Variants in RPS6KA5 observed in about 807,000 individuals in gnomAD.
The protein encoded by RPS6KA5 is ribosomal protein S6 kinase A5, also known as ribosomal protein S6 kinase alpha-5.
RPS6KA5 carries 27 observed loss-of-function variants against 85.5 expected under a neutral mutation model. The ratio of observed to expected loss-of-function variants is 0.32; its 90% CI spans 0.23 to 0.44. RPS6KA5 has a LOEUF of 0.44. RPS6KA5 is among the 20% of genes least tolerant of loss of function. The pLI is 1.00. For missense variants in RPS6KA5, 811 were observed against 980.9 expected (o/e 0.83, Z 2.31); for synonymous variants, 334 against 348.2 (o/e 0.96, Z 0.46).
At chr14:90,947,625 T>C in intron 3 of RPS6KA5, 75 bp from the exon 4 acceptor site, 2 of 849,316 alleles carry the variant, frequency 2.4e-6, no homozygotes, top group South Asian at 1.5e-5. Flanking sequence ...TTAATCACTT[T>C]GGATTCACCA....
At chr14:90,973,973 G>A (rs979518973) in intron 3 of RPS6KA5, among the ~76,000 whole-genome samples, 2 of 147,374 alleles carry the variant, frequency 1.4e-5, no homozygotes, top group African/African-American at 5.1e-5. Flanking sequence ...AGGAGGTGGA[G>A]GCTGCAGTGG....
chr14:91,051,093 G>C (rs2043060115), intron 1 of RPS6KA5, among the ~76,000 whole-genome samples: 2 of 151,874 alleles, frequency 1.3e-5, no homozygotes, highest in Non-Finnish European at 2.9e-5. Flanking sequence ...GCTAAGCGTG[G>C]CGGTGTGTGG....
intron 5 of RPS6KA5, among the ~76,000 whole-genome samples, chr14:90,927,693 TTTA>T (rs2036747773): frequency 6.6e-6 from 1 of 152,064 alleles, no homozygotes; most frequent in African/African-American, 2.4e-5. Flanking sequence ...TGTGAAAAGC[TTTA>T]AAAATATATA....
intron 4 of RPS6KA5, among the ~76,000 whole-genome samples, chr14:90,944,802 A>G (rs945515658): frequency 1.3e-5 from 2 of 151,096 alleles, no homozygotes; most frequent in African/African-American, 4.9e-5. Context: ...ATGTAGTCCT[A>G]GAGCTACTCG....
intron 1 of RPS6KA5, among the ~76,000 whole-genome samples, chr14:91,048,762 A>G (rs1298090156): frequency 6.6e-6 from 1 of 152,206 alleles, no homozygotes; most frequent in Non-Finnish European, 1.5e-5. Flanking sequence ...CTCAAAGGAG[A>G]TAACTGTGAC....
intron 1 of RPS6KA5, among the ~76,000 whole-genome samples, chr14:91,052,121 T>G (rs992412917): frequency 1.3e-5 from 2 of 151,390 alleles, no homozygotes; most frequent in Admixed American, 6.6e-5. Context: ...AGGGGCTGAC[T>G]TAGAACTACA....
In RPS6KA5 at chr14:90,860,925, CTT is replaced by C. The variant is rs2032515247; in HGVS notation, c.*11147_*11148del. 1 of 139,316 alleles carries C rather than the reference CTT, an allele frequency of 7.2e-6. No individual in the cohort carries two copies. The highest frequency in any genetic ancestry group is 2.7e-5 in the African/African-American group (1 of 37,208). 8.6% of individuals were successfully genotyped at this position (139,316 alleles called of 1,614,324 possible). On this transcript the variant is annotated 3_prime_UTR_variant, in exon 17 of 17. Transcript: ENST00000614987. ...TTTTTTTTTGAGATGGAGTTTCGCTCTTGTTGCCCAATCTGGAGTGCAATGGT... is the reference window on the plus strand; with the variant it reads ...TTTTTTTTTGAGATGGAGTTTCGCTCGTTGCCCAATCTGGAGTGCAATGGT...
At chr14:91,059,173 C>T (rs2043488776) in intron 1 of RPS6KA5, among the ~76,000 whole-genome samples, 1 of 150,466 alleles carries the variant, frequency 6.6e-6, no homozygotes, top group African/African-American at 2.5e-5. Flanking sequence ...CCACCCCGCC[C>T]CCACAAAAAA....
intron 3 of RPS6KA5, among the ~76,000 whole-genome samples, chr14:90,968,878 C>T (rs2039195728): frequency 6.6e-6 from 1 of 152,160 alleles, no homozygotes. Flanking sequence ...CCAAAACAAT[C>T]TTTTTATTTT....
At position 90,865,067 on chromosome 14, in the gene RPS6KA5, T is replaced by A. The variant is rs1317413110; in HGVS notation, c.*7007A>T. On this transcript the variant is annotated 3_prime_UTR_variant, in exon 17 of 17. Transcript: ENST00000614987. ...TAGTTTCACTCCTTTTTTTTGTCTG[T>A]TTTTTTGAGACAGGGTCTCACTCTA... 6.6e-6 allele frequency: 1 copy of A among 152,196 alleles called. No homozygotes were observed. Among genetic ancestry groups the A allele is most frequent in the Non-Finnish European group, 1.5e-5 (1 of 68,040 alleles). 9.4% of individuals were successfully genotyped at this position (152,196 alleles called of 1,614,324 possible).
chr14:90,910,906 C>T (rs934944189), intron 7 of RPS6KA5, among the ~76,000 whole-genome samples: 18 of 151,958 alleles, frequency 1.2e-4, no homozygotes, highest in South Asian at 2.1e-4. Context: ...AGGATCGTCT[C>T]GATCTCCTGA....
chr14:90,863,334 A>G lies in RPS6KA5; in HGVS notation c.*8740T>C, dbSNP rs939493868. ...AAAAAAAAAAAAAAAAAAAAAAGAA[A>G]AGAAAAGAAAAAAATATATATATAT... On this transcript the variant is annotated 3_prime_UTR_variant, in exon 17 of 17. Coordinates refer to ENST00000614987, the MANE Select transcript of RPS6KA5 (RefSeq NM_004755.4). 4 of 147,214 alleles carry G rather than the reference A, an allele frequency of 2.7e-5. No individual in the cohort carries two copies. Among genetic ancestry groups the G allele is most frequent in the African/African-American group, 9.8e-5 (4 of 40,740 alleles). 9.1% of individuals were successfully genotyped at this position (147,214 alleles called of 1,614,324 possible).
At chr14:90,919,086 C>T (rs968932103) in intron 7 of RPS6KA5, among the ~76,000 whole-genome samples, 7 of 152,030 alleles carry the variant, frequency 4.6e-5, no homozygotes, top group Non-Finnish European at 1.0e-4. Flanking sequence ...GTGTGCTTAC[C>T]AACACTCAAT....
At chr14:91,060,202 C>T (rs1280587995) in intron 1 of RPS6KA5, 130 bp downstream of exon 1, 2 of 961,896 alleles carry the variant, frequency 2.1e-6, no homozygotes, top group Admixed American at 6.3e-5. Context: ...CCGACCGCGA[C>T]GCCCCGCCCC....
chr14:90,882,740 A>C (rs551795520), intron 14 of RPS6KA5, among the ~76,000 whole-genome samples: 2 of 152,156 alleles, frequency 1.3e-5, no homozygotes, highest in Non-Finnish European at 2.9e-5. Context: ...TTCTGATGAG[A>C]AATCTGCTGA....
intron 1 of RPS6KA5, among the ~76,000 whole-genome samples, chr14:91,005,832 AC>A (rs2040994654): frequency 6.6e-6 from 1 of 152,178 alleles, no homozygotes; most frequent in Admixed American, 6.5e-5. Flanking sequence ...CATTTATTTC[AC>A]CCTACAGGTG....
chr14:90,906,353 A>G lies in RPS6KA5; in HGVS notation c.807-54T>C, dbSNP rs564802959. The G allele has an allele frequency of 2.2e-4, 316 of 1,448,722 alleles. 5 individuals are homozygous for G. In the South Asian group the frequency reaches 4.1e-3, roughly 19 times the overall value. The allele number at this position is 1,448,722 out of a possible 1,614,324, so 89.7% of individuals were successfully genotyped here. A position where few individuals can be genotyped will look rare whatever the true frequency, so the allele number is the denominator to read the frequency against. ...ACAAACAGGATGACAAAAAAAAAAA[A>G]AAGCATGGTGAAATACACTTTGAAA... On this transcript the variant is annotated intron_variant, in intron 7 of 16. Transcript: ENST00000614987.
At position 90,920,218 on chromosome 14, in the gene RPS6KA5, G is replaced by C; in HGVS notation, c.794C>G (p.Ala265Gly). The C allele has an allele frequency of 1.9e-6, 3 of 1,601,628 alleles. No homozygotes were observed. Among genetic ancestry groups the C allele is most frequent in the Non-Finnish European group, 2.6e-6 (3 of 1,169,172 alleles). Residue 265 changes from alanine (A) to glycine (G), a missense_variant, in exon 7 of 17, where the codon GCT becomes GGT. Transcript: ENST00000614987. ...FTVDGEKNSQ[A>G]EISRRILKSE... ...TGTCAAATCTTACCTAGATATCTCA[G>C]CTTGGGAATTTTTTTCTCCATCAAC...
intron 1 of RPS6KA5, among the ~76,000 whole-genome samples, chr14:91,004,311 T>G (rs1224277582): frequency 6.6e-6 from 1 of 152,114 alleles, no homozygotes; most frequent in Non-Finnish European, 1.5e-5. Context: ...GACCTCGTGA[T>G]CCACCCGCCT....
Sources: gnomAD v4.1 joint callset for allele counts (sites outside exome capture counted in the v4.1 genomes callset) on GRCh38, gnomAD v4.1.1 for gene constraint, MANE v1.5 for transcripts, NCBI Gene and HGNC (gene_info 2026-07-23, HGNC 2026-07-21) for gene names.